The following RALGPS1 variants were observed in gnomAD, a reference collection of about 807,000 sequenced individuals.
RALGPS1 encodes the protein ras-specific guanine nucleotide-releasing factor RalGPS1.
Under a neutral mutation model 78.8 loss-of-function variants are expected in RALGPS1, and 19 were observed. That is an observed-to-expected ratio of 0.24 (90% CI 0.17 to 0.35). The LOEUF is 0.35. RALGPS1 is among the 10% of genes least tolerant of loss of function. RALGPS1 has a pLI of 1.00. For missense variants in RALGPS1, 454 were observed against 688.3 expected (o/e 0.66, Z 3.81); for synonymous variants, 228 against 256.3 (o/e 0.89, Z 1.06).
intron 10 of RALGPS1, among the ~76,000 whole-genome samples, chr9:127,171,535 G>A (rs1033411250): frequency 2.0e-5 from 3 of 152,174 alleles, no homozygotes; most frequent in African/African-American, 7.2e-5. Context: ...CAAGGAGGGC[G>A]GATCACCTGA....
chr9:126,950,748 T>G (rs370936437), intron 1 of RALGPS1, among the ~76,000 whole-genome samples: 2 of 149,710 alleles, frequency 1.3e-5, no homozygotes, highest in South Asian at 4.3e-4. Context: ...ACATCACAAT[T>G]AAAAGAACTA....
At chr9:127,148,306 G>T (rs1474802964) in intron 8 of RALGPS1, among the ~76,000 whole-genome samples, 1 of 152,238 alleles carries the variant, frequency 6.6e-6, no homozygotes, top group Non-Finnish European at 1.5e-5. Context: ...GGCCAGTCGG[G>T]CTGGATGTGG....
chr9:126,967,231 A>G (rs1473684400), intron 3 of RALGPS1, among the ~76,000 whole-genome samples: 1 of 152,062 alleles, frequency 6.6e-6, no homozygotes, highest in Non-Finnish European at 1.5e-5. Context: ...GCTCCCTCCT[A>G]CTAGAATGAG....
intron 1 of RALGPS1, among the ~76,000 whole-genome samples, chr9:126,948,432 G>T (rs1322078995): frequency 6.6e-6 from 1 of 151,980 alleles, no homozygotes; most frequent in Non-Finnish European, 1.5e-5. Context: ...CAGGAGAATC[G>T]CTCGCTTGAA....
At chr9:127,199,345 AT>A (rs1309021241) in intron 14 of RALGPS1, among the ~76,000 whole-genome samples, 1 of 152,188 alleles carries the variant, frequency 6.6e-6, no homozygotes, top group Non-Finnish European at 1.5e-5. Flanking sequence ...CTGTGAGTAG[AT>A]TTGGTCCGAA....
At chr9:127,060,068 A>G (rs767239973) in intron 7 of RALGPS1, among the ~76,000 whole-genome samples, 7 of 152,222 alleles carry the variant, frequency 4.6e-5, no homozygotes, top group Non-Finnish European at 8.8e-5. Context: ...ACTGCTGTGT[A>G]TAAGCCTTTG....
intron 8 of RALGPS1, chr9:127,093,721 G>A (rs1030749702): frequency 1.9e-6 from 3 of 1,613,350 alleles, no homozygotes; most frequent in African/African-American, 2.7e-5. Flanking sequence ...GACATCCCCT[G>A]CCGAGTCTCA....
rs199960808 is a variant in RALGPS1 at position 126,977,729 on chromosome 9, A to G, written c.200A>G (p.Lys67Arg). ...ACATTAATGGATATACCTGTGTTTA[A>G]AGCTATCCAGCCGGAGGTCTGTACT... ...QITLMDIPVF[K>R]AIQPEELASC... is the part of the protein sequence containing the mutation. Residue 67 changes from lysine to arginine, a missense_variant, in exon 4 of 19, where the codon AAA becomes AGA. Lys to Arg is a conservative substitution (Grantham distance 26). Coordinates refer to ENST00000259351, the MANE Select transcript of RALGPS1 (RefSeq NM_014636.3). The G allele has an allele frequency of 3.9e-5, 63 of 1,603,144 alleles. No individual in the cohort carries two copies. Among genetic ancestry groups the G allele is most frequent in the Non-Finnish European group, 5.2e-5 (61 of 1,174,370 alleles).
chr9:127,023,555 A>G (rs1484207685), intron 4 of RALGPS1, among the ~76,000 whole-genome samples: 1 of 152,050 alleles, frequency 6.6e-6, no homozygotes, highest in African/African-American at 2.4e-5. Flanking sequence ...GGCTTGGGAC[A>G]GTGCCTGGCA....
chr9:127,188,553 G>T (rs942113867), intron 11 of RALGPS1, among the ~76,000 whole-genome samples: 5 of 152,064 alleles, frequency 3.3e-5, no homozygotes, highest in Non-Finnish European at 5.9e-5. Flanking sequence ...CCTCTCTCCT[G>T]CCACCAGGCT....
chr9:127,038,539 G>A (rs1383383672), intron 5 of RALGPS1, among the ~76,000 whole-genome samples: 1 of 152,164 alleles, frequency 6.6e-6, no homozygotes, highest in African/African-American at 2.4e-5. Flanking sequence ...TCCTCATTGT[G>A]TAATACTCCC....
chr9:127,118,444 A>G (rs568309624), intron 8 of RALGPS1, among the ~76,000 whole-genome samples: 18 of 152,382 alleles, frequency 1.2e-4, no homozygotes, highest in Admixed American at 7.8e-4. Context: ...AAGAAATGCT[A>G]TTCAATGAAT....
intron 1 of RALGPS1, among the ~76,000 whole-genome samples, chr9:126,953,916 A>T (rs1046537304): frequency 1.3e-5 from 2 of 152,166 alleles, no homozygotes; most frequent in Non-Finnish European, 2.9e-5. Flanking sequence ...TGTGATGGAC[A>T]TGGGACTGGG....
chr9:127,009,323 T>C (rs2044143538), intron 4 of RALGPS1, among the ~76,000 whole-genome samples: 2 of 152,182 alleles, frequency 1.3e-5, no homozygotes, highest in Admixed American at 1.3e-4. Context: ...TCATGGATTG[T>C]CCCTGGGATC....
At chr9:126,971,500 A>G (rs897041942) in intron 3 of RALGPS1, among the ~76,000 whole-genome samples, 4 of 152,166 alleles carry the variant, frequency 2.6e-5, no homozygotes, top group East Asian at 1.9e-4. Flanking sequence ...TGTTTTTTCC[A>G]AAAGGAAATG....
chr9:126,976,065 A>G (rs1227141540), intron 3 of RALGPS1, among the ~76,000 whole-genome samples: 1 of 152,088 alleles, frequency 6.6e-6, no homozygotes, highest in Non-Finnish European at 1.5e-5. Context: ...GTGACCTTGG[A>G]CCACCTTTGA....
At chr9:127,174,651 C>T in intron 10 of RALGPS1, 64 bp from the exon 11 acceptor site, 1 of 1,449,980 alleles carries the variant, frequency 6.9e-7, no homozygotes, top group Non-Finnish European at 9.7e-7. Context: ...TTTTCCCAGC[C>T]CCAAACAGGT....
intron 1 of RALGPS1, among the ~76,000 whole-genome samples, chr9:126,949,280 C>T (rs2037581319): frequency 6.6e-6 from 1 of 152,178 alleles, no homozygotes; most frequent in African/African-American, 2.4e-5. Flanking sequence ...CATAGGTGTG[C>T]ATGTGTCTTT....
intron 11 of RALGPS1, among the ~76,000 whole-genome samples, chr9:127,188,408 G>C (rs1021349547): frequency 2.0e-5 from 3 of 152,040 alleles, no homozygotes; most frequent in African/African-American, 7.2e-5. Context: ...CACCTCTCCT[G>C]GGTTTGTGAA....
Sources: gnomAD v4.1 joint callset for allele counts (sites outside exome capture counted in the v4.1 genomes callset) on GRCh38, gnomAD v4.1.1 for gene constraint, MANE v1.5 for transcripts, NCBI Gene and HGNC (gene_info 2026-07-23, HGNC 2026-07-21) for gene names.